The following GALC variants were observed in gnomAD, a reference collection of about 807,000 sequenced individuals.
GALC encodes galactosylceramidase, also known as galactocerebrosidase.
GALC carries 77 observed loss-of-function variants against 91.8 expected under a neutral mutation model. The observed-to-expected ratio is 0.84, with a 90% CI of 0.70 to 1.01. The LOEUF (loss-of-function observed/expected upper bound fraction) is 1.01. Among genes scored for constraint, GALC ranks in the 50% least tolerant of loss-of-function variants. The pLI is 0.00. For missense variants in GALC, 882 were observed against 855.9 expected (o/e 1.03, Z -0.38); for synonymous variants, 357 against 306.7 (o/e 1.16, Z -1.71).
Position 87,934,852 on chromosome 14 carries a change from A to G in GALC, c.1938T>C (p.Asn646=), listed in dbSNP as rs1884502086. 2 of 1,612,544 alleles carry G rather than the reference A, an allele frequency of 1.2e-6. No homozygotes were observed. Among genetic ancestry groups the G allele is most frequent in the Admixed American group, 3.3e-5 (2 of 59,846 alleles). ...GGATGTCTGTCCACAGAGACTTGTC[A>G]TTCAGCATGCCAGAGGTGAAATGAC... is the stretch of plus-strand genomic sequence containing the variant. ...IKGHFTSGML[N]DKSLWTDIPV... Residue 646 remains asparagine, a synonymous_variant, in exon 17 of 17, where the codon AAT becomes AAC. Coordinates refer to ENST00000261304, the MANE Select transcript of GALC (RefSeq NM_000153.4).
chr14:87,961,974 G>C lies in GALC; in HGVS notation c.1161+1410C>G, dbSNP rs551323578. 3.8e-4 allele frequency among the ~76,000 whole-genome samples: 58 copies of C among 152,226 alleles called. 1 individual carries two copies. Among genetic ancestry groups the C allele is most frequent in the South Asian group, 3.5e-3 (17 of 4,826 alleles). ...GTGATTCCTGTATAAATTTAGTTTT[G>C]GGTGCTCATTACCTGTAGATCCCTT... On this transcript the variant is annotated intron_variant, in intron 10 of 16. Transcript: ENST00000261304.
intron 3 of GALC, 126 bp downstream of exon 3, chr14:87,988,018 C>T: frequency 2.7e-6 from 2 of 740,622 alleles, no homozygotes; most frequent in Non-Finnish European, 4.7e-6. Flanking sequence ...GAGGAAAACT[C>T]TAATAAGCAA....
At position 87,992,988 on chromosome 14, in the gene GALC, G is replaced by C; in HGVS notation, c.177C>G (p.Gly59=). 6.5e-6 allele frequency: 10 copies of C among 1,531,670 alleles called. No individual in the cohort carries two copies. Among genetic ancestry groups the C allele is most frequent in the Non-Finnish European group, 8.7e-6 (10 of 1,148,386 alleles). 94.9% of individuals were successfully genotyped at this position (1,531,670 alleles called of 1,614,324 possible). ...CGCTCACCCCGCCGCCGCTGACCGC[G>C]CCGATGCCGTCGAACTCCCGGCCCA... ...DGLGREFDGI[G]AVSGGGATSR... The change falls in exon 1 of 17, where the codon GGC becomes GGG. Residue 59 remains glycine, a synonymous_variant. Coordinates refer to ENST00000261304, the MANE Select transcript of GALC (RefSeq NM_000153.4).
intron 12 of GALC, 126 bp downstream of exon 12, chr14:87,949,719 G>C (rs1260942502): frequency 4.9e-6 from 3 of 615,222 alleles, no homozygotes; most frequent in African/African-American, 3.7e-5. Context: ...AAATGTCTAA[G>C]AGCTAAACAC....
At chr14:87,993,527 A>T, upstream of GALC, 1 of 1,497,118 alleles carries the variant, frequency 6.7e-7, no homozygotes, top group Non-Finnish European at 9.0e-7. Context: ...TCGTGCGAGG[A>T]CCAGGCTTGG....
At position 87,988,520 on chromosome 14, in the gene GALC, T is replaced by G. The variant is rs2139759522; in HGVS notation, c.199A>C (p.Thr67Pro). ...GIGAVSGGGA[T>P]SRLLVNYPEP... The stretch of plus-strand genomic sequence containing the variant: ...GGGTAATTTACTAGAAGTCGGGAGG[T>G]TGCCTAAAAAAAAAAGTTTTCAAAA... The change falls in exon 2 of 17, where the codon ACC becomes CCC. Residue 67 changes from threonine to proline, a missense_variant. Thr to Pro is a conservative substitution (Grantham distance 38). Coordinates refer to ENST00000261304, the MANE Select transcript of GALC (RefSeq NM_000153.4). 1 of 1,610,674 alleles carries G rather than the reference T, an allele frequency of 6.2e-7. No individual in the cohort carries two copies. Among genetic ancestry groups the G allele is most frequent in the Non-Finnish European group, 8.5e-7 (1 of 1,177,298 alleles).
chr14:87,986,120 G>A lies in GALC; in HGVS notation c.442+369C>T, dbSNP rs1382142365. ...GTGTTACCCTTTTATAAATACTGAT[G>A]ACAGATCTTGTGAAGGAAAGTAGTT... On this transcript the variant is annotated intron_variant, in intron 4 of 16. Transcript: ENST00000261304. 3.9e-5 allele frequency among the ~76,000 whole-genome samples: 6 copies of A among 152,128 alleles called. No homozygotes were observed. The East Asian group carries it at 9.6e-4, about 24-fold the overall frequency.
rs370031678 is a variant in GALC at position 87,972,718 on chromosome 14, G to T, written c.752+3640C>A. ...CAGACACTGTGGAAAACACAGTGAG[G>T]AATATAGAATAGTAAGGATAAAATA... On this transcript the variant is annotated intron_variant, in intron 7 of 16. Transcript: ENST00000261304. Among the ~76,000 whole-genome samples the T allele has an allele frequency of 3.9e-4, 59 of 152,032 alleles. No homozygotes were observed. The East Asian group carries it at 0.01, about 26-fold the overall frequency.
At chr14:87,992,638 A>G in intron 1 of GALC, 1 of 1,446,392 alleles carries the variant, frequency 6.9e-7, no homozygotes, top group Non-Finnish European at 9.0e-7. Flanking sequence ...CGATGAAGAC[A>G]GCCTGTGCCC....
At position 87,976,404 on chromosome 14, in the gene GALC, A is replaced by AG. The variant is rs1279870575; in HGVS notation, c.705_706insC (p.Ser236LeufsTer5). 1 of 1,614,074 alleles carries AG rather than the reference A, an allele frequency of 6.2e-7. No homozygotes were observed. ...AAGAGTTCGGCATCAAGGAGCATGG[A>AG]TGCAGAGATGGACTCCCAGAGATTA... On this transcript the variant is annotated frameshift_variant, in exon 7 of 17. Transcript: ENST00000261304. LOFTEE classifies it high-confidence loss of function.
chr14:87,987,070 G>T (rs1241076433), intron 3 of GALC: 3 of 451,694 alleles, frequency 6.6e-6, no homozygotes, highest in Non-Finnish European at 1.3e-5. Context: ...GATATAGGAA[G>T]AGTTTTGAGG....
In GALC at chr14:87,950,723, C is replaced by T. The variant is rs887930208; in HGVS notation, c.1187G>A (p.Arg396Gln). ...CACATTGAAATAAGGAAGAAATGGC[C>T]GTATGCACTTAGAATGTTTATGACT... The part of the protein sequence containing the change: ...TMSHKHSKCI[R>Q]PFLPYFNVSQ... The change falls in exon 11 of 17, where the codon CGG (arginine) becomes CAG (glutamine). Residue 396 changes from arginine (R) to glutamine (Q), a missense_variant. By Grantham distance (43) the Arg-to-Gln change is conservative. Coordinates refer to ENST00000261304, the MANE Select transcript of GALC (RefSeq NM_000153.4). 5.0e-6 allele frequency: 8 copies of T among 1,601,430 alleles called. No homozygotes were observed. The East Asian group carries it at 1.1e-4, about 23-fold the overall frequency.
At position 87,990,657 on chromosome 14, in the gene GALC, G is replaced by C. The variant is rs186561010; in HGVS notation, c.196-2134C>G. Reference sequence around the variant, plus strand: ...CGCCATTAATACTGTGCGTTTTGCTGTCTAGGGTTTCTTTTGCCCTCTATG... The same window carrying C: ...CGCCATTAATACTGTGCGTTTTGCTCTCTAGGGTTTCTTTTGCCCTCTATG... On this transcript the variant is annotated intron_variant, in intron 1 of 16. Transcript: ENST00000261304. Among the ~76,000 whole-genome samples, 14 of 152,318 alleles carry C rather than the reference G, an allele frequency of 9.2e-5. No individual in the cohort carries two copies. In the South Asian group the frequency reaches 1.0e-3, roughly 11 times the overall value.
In GALC at chr14:87,992,082, G is replaced by A. The variant is rs552430150; in HGVS notation, c.195+888C>T. 2.9e-4 allele frequency among the ~76,000 whole-genome samples: 44 copies of A among 149,508 alleles called. No homozygotes were observed. In the South Asian group the frequency reaches 8.9e-3, roughly 30 times the overall value. Reference sequence around the variant, plus strand: ...AATCAAAAAGGATCAGCTAACTCCAGGGGGAAAAAAATTTCCCCTAGCAGA... The same window carrying A: ...AATCAAAAAGGATCAGCTAACTCCAAGGGGAAAAAAATTTCCCCTAGCAGA... On this transcript the variant is annotated intron_variant, in intron 1 of 16. Transcript: ENST00000261304.
intron 7 of GALC, among the ~76,000 whole-genome samples, chr14:87,973,264 G>C (rs1212608236): frequency 1.3e-5 from 2 of 152,134 alleles, no homozygotes; most frequent in South Asian, 4.1e-4. Flanking sequence ...ACATTTAATA[G>C]ATAATTACAC....
At chr14:87,971,241 A>C (rs1393662466) in intron 7 of GALC, among the ~76,000 whole-genome samples, 2 of 152,182 alleles carry the variant, frequency 1.3e-5, no homozygotes, top group Non-Finnish European at 1.5e-5. Context: ...CAGGATCAGC[A>C]GATGGTATAT....
In GALC at chr14:87,992,976, G is replaced by A. The variant is rs1595245955; in HGVS notation, c.189C>T (p.Gly63=). Residue 63 remains glycine (G), a synonymous_variant, in exon 1 of 17, where the codon GGC becomes GGT. Coordinates refer to ENST00000261304, the MANE Select transcript of GALC (RefSeq NM_000153.4). Reference sequence around the variant, plus strand: ...CCCGCAGCTTGCCGCTCACCCCGCCGCCGCTGACCGCGCCGATGCCGTCGA... The same window carrying A: ...CCCGCAGCTTGCCGCTCACCCCGCCACCGCTGACCGCGCCGATGCCGTCGA... ...REFDGIGAVS[G]GGATSRLLVN... 1.3e-6 allele frequency: 2 copies of A among 1,522,828 alleles called. No individual in the cohort carries two copies. Among genetic ancestry groups the A allele is most frequent in the East Asian group, 2.7e-5 (1 of 37,652 alleles). The allele number at this position is 1,522,828 out of a possible 1,614,324, so 94.3% of individuals were successfully genotyped here.
rs1210448143 is a variant in GALC, at chr14:87,992,301, C to T, written c.195+669G>A. 3.9e-6 allele frequency: 6 copies of T among 1,535,596 alleles called. No individual in the cohort carries two copies. The African/African-American group carries it at 5.5e-5, about 14-fold the overall frequency. On this transcript the variant is annotated intron_variant, in intron 1 of 16. Coordinates refer to ENST00000261304, the MANE Select transcript of GALC (RefSeq NM_000153.4). ...CAAAACCAAAAAACAAAAACCTTCTCACCCAAAGGTCGGCCACCATGAAGC... is the reference window on the plus strand; with the variant it reads ...CAAAACCAAAAAACAAAAACCTTCTTACCCAAAGGTCGGCCACCATGAAGC...
intron 5 of GALC, among the ~76,000 whole-genome samples, chr14:87,983,663 G>C (rs1886842022): frequency 6.6e-6 from 1 of 152,206 alleles, no homozygotes; most frequent in African/African-American, 2.4e-5. Context: ...TGATTATGGA[G>C]ACCCACTATG....
Sources: gnomAD v4.1 joint callset for allele counts (sites outside exome capture counted in the v4.1 genomes callset) on GRCh38, gnomAD v4.1.1 for gene constraint, MANE v1.5 for transcripts, NCBI Gene and HGNC (gene_info 2026-07-23, HGNC 2026-07-21) for gene names.